SH3KBP1: variants seen among roughly 807,000 people sequenced by gnomAD.
The protein encoded by SH3KBP1 is SH3 domain containing kinase binding protein 1, also known as SH3 domain-containing kinase-binding protein 1.
A neutral mutation model predicts 50.1 loss-of-function variants in SH3KBP1; 8 were observed. The ratio of observed to expected loss-of-function variants is 0.16; its 90% confidence interval spans 0.09 to 0.29. SH3KBP1 has a LOEUF of 0.29. Among genes scored for constraint, SH3KBP1 ranks in the 10% least tolerant of loss-of-function variants. The probability of loss-of-function intolerance (pLI) is 1.00; values close to 1 mark genes in which losing one functional copy is unlikely to be tolerated. For synonymous variants in SH3KBP1, 227 were observed against 218.6 expected (o/e 1.04, Z -0.34); for missense variants, 377 against 535.2 (o/e 0.70, Z 2.92).
intron 6 of SH3KBP1, chrX:19,671,020 C>T: frequency 9.5e-7 from 1 of 1,053,281 alleles, no homozygotes; most frequent in Non-Finnish European, 1.2e-6. Context: ...GAGAACAAAG[C>T]TCGCATTTGT....
chrX:19,887,165 C>T, intron 1 of SH3KBP1, 142 bp downstream of exon 1: 1 of 455,887 alleles, frequency 2.2e-6, no homozygotes, highest in Non-Finnish European at 3.1e-6. Context: ...TGGGGGTGCG[C>T]GAGGCAGGCG....
chrX:19,710,780 CTG>C (rs1248495627), intron 3 of SH3KBP1, among the ~76,000 whole-genome samples: 1 of 110,733 alleles, frequency 9.0e-6, no homozygotes, highest in East Asian at 2.8e-4. Context: ...GGGGGAACAA[CTG>C]TATTAAGTGA....
At chrX:19,591,720 C>A (rs1002504621) in intron 11 of SH3KBP1, among the ~76,000 whole-genome samples, 5 of 112,301 alleles carry the variant, frequency 4.5e-5, no homozygotes, top group African/African-American at 1.6e-4. Flanking sequence ...GCATGAAGGA[C>A]AGGCTAAGTG....
intron 7 of SH3KBP1, among the ~76,000 whole-genome samples, chrX:19,637,801 G>A (rs930186610): frequency 1.7e-4 from 19 of 111,068 alleles, no homozygotes; most frequent in South Asian, 3.8e-4. Context: ...TAGTCTGGCC[G>A]GGCGCGGTGG....
chrX:19,826,665 G>A (rs2067682037), intron 2 of SH3KBP1, among the ~76,000 whole-genome samples: 2 of 109,177 alleles, frequency 1.8e-5, no homozygotes, highest in South Asian at 7.8e-4. Flanking sequence ...CCTAGGCTAT[G>A]GAAGGAGACA....
chrX:19,844,682 C>G (rs781423428), intron 1 of SH3KBP1, among the ~76,000 whole-genome samples: 1 of 112,010 alleles, frequency 8.9e-6, no homozygotes, highest in African/African-American at 3.2e-5. Flanking sequence ...CTCTGCCTCA[C>G]CAGGGGCTGT....
At chrX:19,601,284 A>G (rs2067083169) in intron 9 of SH3KBP1, among the ~76,000 whole-genome samples, 1 of 111,809 alleles carries the variant, frequency 8.9e-6, no homozygotes, top group Admixed American at 9.5e-5. Flanking sequence ...AATGGCAGGA[A>G]GACAAGCTTT....
At chrX:19,757,145 C>CT (rs34733630) in intron 2 of SH3KBP1, among the ~76,000 whole-genome samples, 5,080 of 74,570 alleles carry the variant, frequency 0.068, 520 homozygotes, top group African/African-American at 0.22. Flanking sequence ...TTATTGACTG[C>CT]TTTTTTTTTT....
At chrX:19,651,126 G>A (rs1334424303) in intron 6 of SH3KBP1, among the ~76,000 whole-genome samples, 1 of 109,993 alleles carries the variant, frequency 9.1e-6, no homozygotes, top group African/African-American at 3.3e-5. Context: ...TCTCGGTGAG[G>A]AGTGGTAGGC....
At chrX:19,683,460 A>G (rs2063102712) in intron 6 of SH3KBP1, 1 of 331,634 alleles carries the variant, frequency 3.0e-6, no homozygotes, top group African/African-American at 2.6e-5. Flanking sequence ...GAAATGTACA[A>G]GGAGCGGAGA....
At chrX:19,854,273 G>A (rs887978966) in intron 1 of SH3KBP1, among the ~76,000 whole-genome samples, 3 of 110,064 alleles carry the variant, frequency 2.7e-5, no homozygotes, top group East Asian at 5.8e-4. Context: ...GTGCCATCAC[G>A]CCCGGTTAAT....
intron 5 of SH3KBP1, among the ~76,000 whole-genome samples, chrX:19,691,603 A>C (rs1223892492): frequency 9.1e-6 from 1 of 109,534 alleles, no homozygotes; most frequent in Admixed American, 9.9e-5. Context: ...TTTAGCAAAA[A>C]AATTACAAGA....
chrX:19,760,623 TAG>T (rs2065392806), intron 2 of SH3KBP1, among the ~76,000 whole-genome samples: 1 of 110,244 alleles, frequency 9.1e-6, no homozygotes, highest in African/African-American at 3.3e-5. Context: ...GCAGCTAGAT[TAG>T]GAAAGGCATC....
intron 9 of SH3KBP1, among the ~76,000 whole-genome samples, chrX:19,601,134 C>G (rs1005288701): frequency 8.9e-6 from 1 of 112,025 alleles, no homozygotes; most frequent in Admixed American, 9.4e-5. Context: ...AGTGCACATG[C>G]GTCTGTGTCT....
intron 5 of SH3KBP1, among the ~76,000 whole-genome samples, chrX:19,686,669 C>T (rs774415142): frequency 1.8e-5 from 2 of 110,783 alleles, no homozygotes; most frequent in Non-Finnish European, 3.8e-5. Context: ...TGCAGTAGGG[C>T]CATGCATCTT....
intron 2 of SH3KBP1, among the ~76,000 whole-genome samples, chrX:19,746,718 T>C (rs2064929492): frequency 9.0e-6 from 1 of 111,729 alleles, no homozygotes; most frequent in African/African-American, 3.3e-5. Context: ...GAGTGAAACA[T>C]AAAAGCCACC....
intron 1 of SH3KBP1, among the ~76,000 whole-genome samples, chrX:19,875,658 A>T (rs2069228449): frequency 8.9e-6 from 1 of 112,652 alleles, no homozygotes; most frequent in Non-Finnish European, 1.9e-5. Flanking sequence ...GGCATGGAGC[A>T]GCCACCTGTG....
intron 1 of SH3KBP1, among the ~76,000 whole-genome samples, chrX:19,856,492 C>A (rs1001553619): frequency 3.4e-4 from 38 of 111,712 alleles, no homozygotes; most frequent in African/African-American, 1.2e-3. Context: ...CCGATAACAT[C>A]CCCACTTCCT....
intron 2 of SH3KBP1, among the ~76,000 whole-genome samples, chrX:19,810,063 A>G (rs1321758144): frequency 8.9e-6 from 1 of 112,250 alleles, no homozygotes; most frequent in Non-Finnish European, 1.9e-5. Context: ...ATTCAATTAA[A>G]CCAGATGAAT....
Sources: gnomAD v4.1 joint callset for allele counts (sites outside exome capture counted in the v4.1 genomes callset) on GRCh38, gnomAD v4.1.1 for gene constraint, MANE v1.5 for transcripts, NCBI Gene and HGNC (gene_info 2026-07-23, HGNC 2026-07-21) for gene names.